The following DCLK2 variants were observed in gnomAD, a reference collection of about 807,000 sequenced individuals.
The protein encoded by DCLK2 is serine/threonine-protein kinase DCLK2.
DCLK2 carries 31 observed loss-of-function variants against 78.4 expected under a neutral mutation model. The observed-to-expected ratio is 0.40, with a 90% CI of 0.30 to 0.53. The LOEUF (loss-of-function observed/expected upper bound fraction) is 0.53. Among genes scored for constraint, DCLK2 ranks in the 20% least tolerant of loss-of-function variants. DCLK2 has a pLI of 0.61. For synonymous variants in DCLK2, 407 were observed against 374.9 expected (o/e 1.09, Z -0.99); for missense variants, 872 against 973.7 (o/e 0.90, Z 1.39).
At chr4:150,142,568 G>A (rs1484155785) in intron 2 of DCLK2, among the ~76,000 whole-genome samples, 1 of 152,056 alleles carries the variant, frequency 6.6e-6, no homozygotes, top group African/African-American at 2.4e-5. Flanking sequence ...TGTGATATTT[G>A]TTGGCGTCAG....
At chr4:150,094,941 A>G (rs1352402851) in intron 1 of DCLK2, among the ~76,000 whole-genome samples, 1 of 152,176 alleles carries the variant, frequency 6.6e-6, no homozygotes, top group East Asian at 1.9e-4. Flanking sequence ...GGCTTAGTTG[A>G]ACTGGGGTGA....
chr4:150,108,799 C>T (rs9986068), intron 2 of DCLK2, among the ~76,000 whole-genome samples: 57,629 of 151,858 alleles, frequency 0.38, 11,161 homozygotes, highest in Non-Finnish European at 0.42. Flanking sequence ...AGCAGAGTTT[C>T]AACATAAAAG....
At chr4:150,150,531 G>A (rs929798065) in intron 2 of DCLK2, among the ~76,000 whole-genome samples, 2 of 152,170 alleles carry the variant, frequency 1.3e-5, no homozygotes, top group East Asian at 1.9e-4. Flanking sequence ...CCTATTAAAA[G>A]CATTTAGCAC....
intron 5 of DCLK2, among the ~76,000 whole-genome samples, chr4:150,208,394 T>G (rs530438013): frequency 0.02 from 2,574 of 126,012 alleles, 43 homozygotes; most frequent in African/African-American, 0.047. Context: ...CGGAGTTTTT[T>G]TTTTTGTTTT....
intron 15 of DCLK2, among the ~76,000 whole-genome samples, chr4:150,251,949 T>TCCCTCTCC (rs1397026029): frequency 6.6e-6 from 1 of 151,958 alleles, no homozygotes; most frequent in South Asian, 2.1e-4. Context: ...TCTCCCTCTC[T>TCCCTCTCC]CCCTCTCCAG....
At chr4:150,232,182 G>C (rs186942174) in intron 8 of DCLK2, among the ~76,000 whole-genome samples, 155 bp from the exon 9 acceptor site, 71 of 152,258 alleles carry the variant, frequency 4.7e-4, no homozygotes, top group African/African-American at 1.3e-3. Context: ...GTCCCTACAG[G>C]GACAATTAGG....
intron 5 of DCLK2, among the ~76,000 whole-genome samples, chr4:150,206,314 A>G (rs1466419277): frequency 6.6e-6 from 1 of 152,186 alleles, no homozygotes; most frequent in African/African-American, 2.4e-5. Flanking sequence ...TATCTTAATT[A>G]TTATAGTAAC....
chr4:150,176,941 C>CA (rs1346706161), intron 2 of DCLK2, among the ~76,000 whole-genome samples: 18 of 151,504 alleles, frequency 1.2e-4, no homozygotes, highest in East Asian at 3.9e-4. Context: ...TAGAGATTTG[C>CA]AAAAAAGAAA....
In DCLK2 at chr4:150,224,628, G is replaced by A. The variant is rs1449206190; in HGVS notation, c.1299+70G>A. 7 of 1,346,476 alleles carry A rather than the reference G, an allele frequency of 5.2e-6. No homozygotes were observed. The East Asian group carries it at 9.4e-5, about 18-fold the overall frequency. 83.4% of individuals were successfully genotyped at this position (1,346,476 alleles called of 1,614,324 possible). A position where few individuals can be genotyped will look rare whatever the true frequency, so the allele number is the denominator to read the frequency against. ...TTGGTGAGGTGTTTACTGTGATGAA[G>A]GAATTTAAGTGGGGACTTGACACAA... On this transcript the variant is annotated intron_variant, in intron 8 of 15. Coordinates refer to ENST00000296550, the MANE Select transcript of DCLK2 (RefSeq NM_001040260.4).
chr4:150,111,982 C>T lies in DCLK2; in HGVS notation c.756+9170C>T, dbSNP rs569048479. On this transcript the variant is annotated intron_variant, in intron 2 of 15. Coordinates refer to ENST00000296550, the MANE Select transcript of DCLK2 (RefSeq NM_001040260.4). Reference sequence around the variant, plus strand: ...TTGGTTCCGTATGAATTTTAGGATTCTTTTTTCTAATTCTGTGAAAAAATG... The same window carrying T: ...TTGGTTCCGTATGAATTTTAGGATTTTTTTTTCTAATTCTGTGAAAAAATG... 1.4e-3 allele frequency among the ~76,000 whole-genome samples: 209 copies of T among 152,036 alleles called. 1 individual carries two copies. Among genetic ancestry groups the T allele is most frequent in the African/African-American group, 4.6e-3 (190 of 41,484 alleles).
intron 2 of DCLK2, among the ~76,000 whole-genome samples, chr4:150,159,308 C>T (rs561943720): frequency 6.6e-6 from 1 of 152,330 alleles, no homozygotes; most frequent in African/African-American, 2.4e-5. Context: ...AGCCCACCCT[C>T]TATGCACATA....
intron 1 of DCLK2, among the ~76,000 whole-genome samples, chr4:150,100,594 C>T (rs541080938): frequency 6.6e-6 from 1 of 151,870 alleles, no homozygotes; most frequent in East Asian, 1.9e-4. Context: ...TATTTTGAAT[C>T]GAAAATAGAA....
chr4:150,171,296 T>A (rs1311768729), intron 2 of DCLK2, among the ~76,000 whole-genome samples: 1 of 152,150 alleles, frequency 6.6e-6, no homozygotes. Context: ...CTGGCTAACA[T>A]GGTGAAACCC....
intron 2 of DCLK2, among the ~76,000 whole-genome samples, chr4:150,186,869 G>C (rs1737979775): frequency 6.7e-6 from 1 of 149,960 alleles, no homozygotes; most frequent in East Asian, 2.0e-4. Context: ...CTCCAGCCTG[G>C]GCAACAGAGT....
At chr4:150,242,041 T>G (rs1390607519) in intron 12 of DCLK2, among the ~76,000 whole-genome samples, 1 of 152,214 alleles carries the variant, frequency 6.6e-6, no homozygotes, top group Non-Finnish European at 1.5e-5. Context: ...CATCCAACAT[T>G]TTATTGTGAA....
At chr4:150,097,618 A>T (rs1730557700) in intron 1 of DCLK2, among the ~76,000 whole-genome samples, 1 of 152,244 alleles carries the variant, frequency 6.6e-6, no homozygotes, top group Non-Finnish European at 1.5e-5. Flanking sequence ...ATATGCAGTA[A>T]TGCAAAGTGT....
chr4:150,188,904 C>CAAA (rs59096633), intron 2 of DCLK2, among the ~76,000 whole-genome samples: 8 of 94,116 alleles, frequency 8.5e-5, no homozygotes, highest in East Asian at 3.0e-4. Flanking sequence ...GACTCTGTCT[C>CAAA]AAAAAAAAAA....
intron 12 of DCLK2, among the ~76,000 whole-genome samples, chr4:150,241,040 A>G (rs1417400348): frequency 1.3e-5 from 2 of 152,208 alleles, no homozygotes; most frequent in Non-Finnish European, 2.9e-5. Flanking sequence ...CAGGTATGTC[A>G]TCTTCCATTT....
Position 150,240,483 on chromosome 4 carries a change from G to T in DCLK2, c.1778+7G>T. ...GATTCCCACCATTCCGAAGGTAGGC[G>T]GCCTTTTGGGCGACGTATTTGAATT... On this transcript the variant is annotated splice_region_variant and intron_variant, in intron 12 of 15. Transcript: ENST00000296550. 1.2e-6 allele frequency: 2 copies of T among 1,607,938 alleles called. No individual in the cohort carries two copies. Among genetic ancestry groups the T allele is most frequent in the East Asian group, 2.2e-5 (1 of 44,736 alleles).
Sources: gnomAD v4.1 joint callset for allele counts (sites outside exome capture counted in the v4.1 genomes callset) on GRCh38, gnomAD v4.1.1 for gene constraint, MANE v1.5 for transcripts, NCBI Gene and HGNC (gene_info 2026-07-23, HGNC 2026-07-21) for gene names.